Variants in PALLD observed in about 807,000 individuals in gnomAD.
PALLD encodes palladin, cytoskeletal associated protein.
Under a neutral mutation model 123.5 loss-of-function variants are expected in PALLD, and 61 were observed. That is an observed-to-expected ratio of 0.49 (90% CI 0.40 to 0.61). The LOEUF is 0.61. Among genes scored for constraint, PALLD ranks in the 20% least tolerant of loss-of-function variants. The pLI, the probability that PALLD is intolerant of heterozygous loss-of-function variation, is 0.00. For synonymous variants in PALLD, 465 were observed against 496.4 expected, an observed-to-expected ratio of 0.94 and a Z score of 0.84; for missense variants, 1,273 against 1,377.0, an observed-to-expected ratio of 0.92 and a Z score of 1.20.
chr4:168,592,198 G>A (rs1771509088), intron 2 of PALLD, among the ~76,000 whole-genome samples: 1 of 151,988 alleles, frequency 6.6e-6, no homozygotes, highest in East Asian at 1.9e-4. Flanking sequence ...TGATAGATAT[G>A]GGGTTTTAGC....
intron 10 of PALLD, among the ~76,000 whole-genome samples, chr4:168,740,783 G>A (rs1788249883): frequency 6.6e-6 from 1 of 152,208 alleles, no homozygotes; most frequent in Non-Finnish European, 1.5e-5. Flanking sequence ...TCTACTGCCA[G>A]TTATATGAAA....
At chr4:168,772,311 G>A (rs1734565060) in intron 10 of PALLD, among the ~76,000 whole-genome samples, 1 of 152,104 alleles carries the variant, frequency 6.6e-6, no homozygotes, top group Admixed American at 6.5e-5. Context: ...CATACAAACG[G>A]CACTTGTTCT....
intron 8 of PALLD, among the ~76,000 whole-genome samples, chr4:168,697,886 G>A (rs1420812431): frequency 1.3e-5 from 2 of 152,094 alleles, no homozygotes; most frequent in Admixed American, 1.3e-4. Flanking sequence ...CAAAAGAAAG[G>A]AAGTCAGTAT....
intron 10 of PALLD, among the ~76,000 whole-genome samples, chr4:168,765,237 A>G (rs1201046809): frequency 6.6e-6 from 1 of 152,228 alleles, no homozygotes; most frequent in African/African-American, 2.4e-5. Flanking sequence ...GAGAAGGTTT[A>G]GTAAATGGAA....
chr4:168,730,332 G>C (rs964910713), intron 10 of PALLD, among the ~76,000 whole-genome samples: 1 of 151,742 alleles, frequency 6.6e-6, no homozygotes, highest in African/African-American at 2.4e-5. Flanking sequence ...TTCTTTCATG[G>C]CATTCTGTTC....
chr4:168,889,701 A>G (rs146473080), intron 10 of PALLD, among the ~76,000 whole-genome samples: 20 of 152,222 alleles, frequency 1.3e-4, no homozygotes, highest in Non-Finnish European at 2.2e-4. Flanking sequence ...CCATGTATGT[A>G]TGCTCCCCTC....
intron 10 of PALLD, among the ~76,000 whole-genome samples, chr4:168,868,137 G>A (rs999977040): frequency 2.0e-4 from 31 of 152,188 alleles, no homozygotes; most frequent in African/African-American, 7.0e-4. Flanking sequence ...TCTTCAGTAC[G>A]AAAAGTCCCA....
intron 6 of PALLD, among the ~76,000 whole-genome samples, chr4:168,688,430 C>T (rs1251536881): frequency 6.6e-6 from 1 of 152,180 alleles, no homozygotes; most frequent in African/African-American, 2.4e-5. Context: ...CATTTCTTCC[C>T]AAATAGACCC....
At position 168,511,282 on chromosome 4, in the gene PALLD, T is replaced by C. The variant is rs778186905; in HGVS notation, c.-82-141T>C. On this transcript the variant is annotated intron_variant, in intron 1 of 21. Transcript: ENST00000505667. ...ATAAAATGATCAACACAAGTATACT[T>C]GATATTTCTTCCAACTTGTAAAATA... 17 of 545,952 alleles carry C rather than the reference T, an allele frequency of 3.1e-5. 1 individual carries two copies. The East Asian group carries it at 4.4e-4, about 14-fold the overall frequency. The allele number at this position is 545,952 out of a possible 1,614,324, so 33.8% of individuals were successfully genotyped here. A position where few individuals can be genotyped will look rare whatever the true frequency, so the allele number is the denominator to read the frequency against.
chr4:168,785,566 A>G (rs1736595789), intron 10 of PALLD, among the ~76,000 whole-genome samples: 1 of 152,104 alleles, frequency 6.6e-6, no homozygotes, highest in Non-Finnish European at 1.5e-5. Flanking sequence ...TCTGGGAAGC[A>G]GTAACTCCTG....
chr4:168,536,500 G>T (rs1054507579), intron 2 of PALLD: 1 of 152,194 alleles, frequency 6.6e-6, no homozygotes, highest in South Asian at 2.1e-4. Context: ...AAGGAAAGAG[G>T]TTTAACTGAC....
chr4:168,652,464 AT>A (rs1439482372), intron 2 of PALLD, among the ~76,000 whole-genome samples: 4 of 152,084 alleles, frequency 2.6e-5, no homozygotes, highest in Non-Finnish European at 5.9e-5. Context: ...ACACATTTTT[AT>A]TTTTTTATTT....
chr4:168,779,077 A>G (rs902321810), intron 10 of PALLD, among the ~76,000 whole-genome samples: 1 of 152,236 alleles, frequency 6.6e-6, no homozygotes, highest in Non-Finnish European at 1.5e-5. Flanking sequence ...TGGGGATTAT[A>G]TGATGATTTC....
intron 2 of PALLD, among the ~76,000 whole-genome samples, chr4:168,617,873 T>C (rs563070657): frequency 1.3e-5 from 2 of 152,184 alleles, no homozygotes; most frequent in Non-Finnish European, 2.9e-5. Context: ...AGTGTAGTTA[T>C]GAAGCTCCCT....
rs1160937764 is a variant in PALLD, at chr4:168,534,380, A to C, written c.908+21968A>C. On this transcript the variant is annotated intron_variant, in intron 2 of 21. Transcript: ENST00000505667. Reference sequence around the variant, plus strand: ...AGGACATATCAGCAGTGGCACTATGAAACTAATACCTTCTTGCCTTTCAAT... The same window carrying C: ...AGGACATATCAGCAGTGGCACTATGCAACTAATACCTTCTTGCCTTTCAAT... Among the ~76,000 whole-genome samples the C allele has an allele frequency of 3.9e-5, 6 of 152,322 alleles. No homozygotes were observed. The East Asian group carries it at 1.2e-3, about 29-fold the overall frequency.
intron 2 of PALLD, among the ~76,000 whole-genome samples, chr4:168,655,468 C>T (rs982212589): frequency 3.3e-5 from 5 of 152,180 alleles, no homozygotes; most frequent in Admixed American, 1.3e-4. Context: ...CAGGACTCTG[C>T]AAAGGGAGGC....
intron 2 of PALLD, among the ~76,000 whole-genome samples, chr4:168,559,911 A>T (rs1767695528): frequency 6.6e-6 from 1 of 152,088 alleles, no homozygotes; most frequent in Non-Finnish European, 1.5e-5. Flanking sequence ...AGAGAGAAAA[A>T]AAAAGAGAAA....
At chr4:168,509,661 A>T (rs934849801) in intron 1 of PALLD, among the ~76,000 whole-genome samples, 148 of 152,192 alleles carry the variant, frequency 9.7e-4, no homozygotes, top group African/African-American at 3.5e-3. Context: ...GATTTACTTG[A>T]AGAAGAGTGC....
Position 168,535,770 on chromosome 4 carries a change from G to A in PALLD, c.908+23358G>A, listed in dbSNP as rs80248824. Among the ~76,000 whole-genome samples the A allele has an allele frequency of 6.2e-3, 938 of 152,192 alleles. 8 individuals carry two copies. The highest frequency in any genetic ancestry group is 0.021 in the African/African-American group (885 of 41,508). On this transcript the variant is annotated intron_variant, in intron 2 of 21. Coordinates refer to ENST00000505667, the MANE Select transcript of PALLD (RefSeq NM_001166108.2). Reference sequence around the variant, plus strand: ...ACTCAGCAAGTTTAGGCAAATAAAGGGAACTATAGCCACCTCTACAAATAT... The same window carrying A: ...ACTCAGCAAGTTTAGGCAAATAAAGAGAACTATAGCCACCTCTACAAATAT...
Sources: allele counts gnomAD v4.1 joint callset (sites outside exome capture counted in the v4.1 genomes callset), GRCh38; gene constraint gnomAD v4.1.1; transcripts MANE v1.5; gene names NCBI Gene and HGNC (gene_info 2026-07-23, HGNC 2026-07-21).